The following ASCC3 variants were observed in gnomAD, a reference collection of about 807,000 sequenced individuals.
ASCC3 encodes activating signal cointegrator 1 complex subunit 3.
In ASCC3, 158 loss-of-function variants were observed where a neutral mutation model predicts 256.3. The ratio of observed to expected loss-of-function variants is 0.62; its 90% CI spans 0.54 to 0.70. The LOEUF (loss-of-function observed/expected upper bound fraction) is 0.70, where lower values mean the gene tolerates loss of function less well. Ranked by LOEUF, ASCC3 falls within the 30% of genes least tolerant of loss-of-function variation. The pLI is 0.00. For synonymous variants in ASCC3, 948 were observed against 883.4 expected, an observed-to-expected ratio of 1.07 and a Z score of -1.30; for missense variants, 2,259 against 2,626.0, an observed-to-expected ratio of 0.86 and a Z score of 3.05.
intron 1 of ASCC3, among the ~76,000 whole-genome samples, chr6:100,870,259 G>T (rs1773676373): frequency 1.3e-5 from 2 of 151,348 alleles, no homozygotes; most frequent in Non-Finnish European, 2.9e-5. Context: ...CATGCGTCAG[G>T]AGGCTGATGC....
intron 17 of ASCC3, among the ~76,000 whole-genome samples, chr6:100,654,641 G>A (rs544063756): frequency 6.6e-6 from 1 of 152,094 alleles, no homozygotes; most frequent in East Asian, 1.9e-4. Flanking sequence ...AGAGCAATTT[G>A]GCTGTAAATG....
At chr6:100,532,378 G>GTGTA (rs1774936815) in intron 37 of ASCC3, among the ~76,000 whole-genome samples, 1 of 69,084 alleles carries the variant, frequency 1.4e-5, no homozygotes, top group African/African-American at 5.2e-5. Context: ...GTGTATGTGT[G>GTGTA]TATATATATA....
chr6:100,653,362 G>A (rs900634802), intron 17 of ASCC3, among the ~76,000 whole-genome samples: 10 of 151,974 alleles, frequency 6.6e-5, no homozygotes, highest in South Asian at 2.1e-4. Flanking sequence ...TTATCCGGCC[G>A]GGCACAGTGG....
chr6:100,628,306 G>C (rs1313998049), intron 27 of ASCC3, among the ~76,000 whole-genome samples: 1 of 152,110 alleles, frequency 6.6e-6, no homozygotes, highest in Non-Finnish European at 1.5e-5. Context: ...GTTTCAGTTG[G>C]ACAGGAGAAA....
intron 32 of ASCC3, 107 bp from the exon 33 acceptor site, chr6:100,605,807 G>C: frequency 1.6e-6 from 2 of 1,266,528 alleles, no homozygotes; most frequent in South Asian, 1.3e-5. Context: ...AAAAGAAATA[G>C]AATATTGTGA....
intron 8 of ASCC3, among the ~76,000 whole-genome samples, chr6:100,774,471 TTCTCCTGCCTCAG>T (rs144810844): frequency 0.016 from 2,481 of 152,160 alleles, 75 homozygotes; most frequent in African/African-American, 0.057. Flanking sequence ...GTTCAAGCAA[TTCTCCTGCCTCAG>T]TCTCCTGAGT....
intron 8 of ASCC3, among the ~76,000 whole-genome samples, chr6:100,785,642 G>A (rs182794935): frequency 9.2e-5 from 14 of 152,120 alleles, no homozygotes; most frequent in Admixed American, 9.2e-4. Flanking sequence ...GAACTCCTAG[G>A]CCCAAGTGAT....
At chr6:100,782,977 C>T (rs192667883) in intron 8 of ASCC3, among the ~76,000 whole-genome samples, 1 of 151,450 alleles carries the variant, frequency 6.6e-6, no homozygotes, top group East Asian at 1.9e-4. Flanking sequence ...GTAAAGGTTG[C>T]TAGTTTTTGA....
At chr6:100,562,448 T>A (rs1770004289) in intron 36 of ASCC3, among the ~76,000 whole-genome samples, 1 of 151,930 alleles carries the variant, frequency 6.6e-6, no homozygotes, top group South Asian at 2.1e-4. Context: ...AGTAGGTAGA[T>A]TTTTTTCTTG....
chr6:100,799,653 G>C (rs1370961481), intron 6 of ASCC3, 81 bp from the exon 7 acceptor site: 1 of 1,406,054 alleles, frequency 7.1e-7, no homozygotes, highest in Non-Finnish European at 9.8e-7. Flanking sequence ...AATTATAAAA[G>C]ATATTGGGAG....
intron 1 of ASCC3, among the ~76,000 whole-genome samples, chr6:100,873,256 T>C (rs1773837562): frequency 6.6e-6 from 1 of 151,950 alleles, no homozygotes. Context: ...GTCTCAGCAA[T>C]AAAATTGAAC....
At chr6:100,546,621 T>TTGC (rs1331149864) in intron 36 of ASCC3, among the ~76,000 whole-genome samples, 2 of 152,146 alleles carry the variant, frequency 1.3e-5, no homozygotes, top group African/African-American at 4.8e-5. Flanking sequence ...CATCATTTAG[T>TTGC]TGCTGTCAAT....
At chr6:100,616,215 A>G (rs1182510994) in intron 30 of ASCC3, among the ~76,000 whole-genome samples, 1 of 152,190 alleles carries the variant, frequency 6.6e-6, no homozygotes, top group Non-Finnish European at 1.5e-5. Flanking sequence ...TTTTGAGTAA[A>G]GCAAAACTAT....
At chr6:100,571,279 C>T (rs1176540833) in intron 36 of ASCC3, among the ~76,000 whole-genome samples, 1 of 152,200 alleles carries the variant, frequency 6.6e-6, no homozygotes, top group Non-Finnish European at 1.5e-5. Context: ...CTTGCTCCTG[C>T]ATATTATTTA....
intron 13 of ASCC3, among the ~76,000 whole-genome samples, chr6:100,710,984 T>C (rs1031707357): frequency 5.9e-5 from 9 of 152,168 alleles, no homozygotes; most frequent in Admixed American, 5.2e-4. Context: ...TATTTACTCA[T>C]ATAAGCTTGA....
At chr6:100,662,138 TTAAC>T (rs907943318) in intron 15 of ASCC3, 108 bp from the exon 16 acceptor site, 78 of 1,198,002 alleles carry the variant, frequency 6.5e-5, no homozygotes, top group African/African-American at 6.4e-4. Context: ...AAAGTGTACT[TTAAC>T]TAATCCTTTC....
Position 100,540,389 on chromosome 6 carries a change from T to C in ASCC3, c.5551-2A>G. 3 of 1,578,588 alleles carry C rather than the reference T, an allele frequency of 1.9e-6. No individual in the cohort carries two copies. The highest frequency in any genetic ancestry group is 2.6e-6 in the Non-Finnish European group (3 of 1,164,590). On this transcript the variant is annotated splice_acceptor_variant, in intron 36 of 41. Transcript: ENST00000369162. LOFTEE classifies it high-confidence loss of function. Reference sequence around the variant, plus strand: ...CAAATCTGTATATTCTTCTGCATCCTGAAAAAAAAAAAAAGCCCCACATTG... The same window carrying C: ...CAAATCTGTATATTCTTCTGCATCCCGAAAAAAAAAAAAAGCCCCACATTG...
intron 10 of ASCC3, among the ~76,000 whole-genome samples, chr6:100,728,985 A>G (rs759936747): frequency 1.8e-4 from 27 of 152,200 alleles, no homozygotes; most frequent in Non-Finnish European, 3.2e-4. Flanking sequence ...AGAAAGCACT[A>G]GACACAGTAT....
At position 100,684,802 on chromosome 6, in the gene ASCC3, C is replaced by CTTT. The variant is rs34237443; in HGVS notation, c.2152-5053_2152-5051dup. Reference sequence around the variant, plus strand: ...TTAATGTGAAATCTTGAATCAAACTCTTTTTTTTTTTTTTTTTTTTTTGAG... The same window carrying CTTT: ...TTAATGTGAAATCTTGAATCAAACTCTTTTTTTTTTTTTTTTTTTTTTTTTGAG... On this transcript the variant is annotated intron_variant, in intron 13 of 41. Coordinates refer to ENST00000369162, the MANE Select transcript of ASCC3 (RefSeq NM_006828.4). 2.0e-3 allele frequency among the ~76,000 whole-genome samples: 191 copies of CTTT among 94,702 alleles called. 2 individuals carry two copies. The highest frequency in any genetic ancestry group is 2.6e-3 in the East Asian group (8 of 3,032). 62.1% of individuals were successfully genotyped at this position (94,702 alleles called of 152,430 possible).
Sources: allele counts gnomAD v4.1 joint callset (sites outside exome capture counted in the v4.1 genomes callset), GRCh38; gene constraint gnomAD v4.1.1; transcripts MANE v1.5; gene names NCBI Gene and HGNC (gene_info 2026-07-23, HGNC 2026-07-21).